Variants in MACROD2 observed in about 807,000 individuals in gnomAD.
The protein encoded by MACROD2 is mono-ADP ribosylhydrolase 2.
In MACROD2, 36 loss-of-function variants were observed where a neutral mutation model predicts 70.4. That is an observed-to-expected ratio of 0.51 (90% CI 0.39 to 0.68). MACROD2 has a LOEUF of 0.68. MACROD2 is among the 30% of genes least tolerant of loss of function. The probability of loss-of-function intolerance (pLI) is 0.00; values close to 1 mark genes in which losing one functional copy is unlikely to be tolerated. For synonymous variants in MACROD2, 172 were observed against 178.8 expected, an observed-to-expected ratio of 0.96 and a Z score of 0.30; for missense variants, 496 against 538.4, an observed-to-expected ratio of 0.92 and a Z score of 0.78.
chr20:14,042,091 T>C (rs1443739716), intron 2 of MACROD2, among the ~76,000 whole-genome samples: 3 of 151,916 alleles, frequency 2.0e-5, no homozygotes, highest in African/African-American at 7.3e-5. Context: ...ATATAGAAAA[T>C]AAGAAACTGA....
At chr20:15,337,147 A>G (rs2078057536) in intron 6 of MACROD2, among the ~76,000 whole-genome samples, 1 of 151,818 alleles carries the variant, frequency 6.6e-6, no homozygotes, top group Admixed American at 6.6e-5. Context: ...AAGATTCATC[A>G]ATGGCTTTGA....
At chr20:15,641,611 C>CG (rs572239533) in intron 8 of MACROD2, among the ~76,000 whole-genome samples, 173 of 152,212 alleles carry the variant, frequency 1.1e-3, no homozygotes, top group African/African-American at 4.1e-3. Context: ...ACAGGGGCAG[C>CG]GTGCATTTTG....
intron 3 of MACROD2, among the ~76,000 whole-genome samples, chr20:14,106,444 A>G (rs1470724512): frequency 6.6e-6 from 1 of 152,146 alleles, no homozygotes; most frequent in African/African-American, 2.4e-5. Flanking sequence ...AAGGTTTTTG[A>G]CTACAGTCCT....
At chr20:14,720,623 G>A (rs1013414016) in intron 5 of MACROD2, among the ~76,000 whole-genome samples, 2 of 130,362 alleles carry the variant, frequency 1.5e-5, no homozygotes, top group Non-Finnish European at 3.1e-5. Context: ...GCGCCATCTC[G>A]GCTCACTGCA....
intron 10 of MACROD2, among the ~76,000 whole-genome samples, chr20:15,926,507 T>C (rs1385172938): frequency 6.6e-6 from 1 of 152,008 alleles, no homozygotes; most frequent in Non-Finnish European, 1.5e-5. Flanking sequence ...TTAGAGGATA[T>C]GATATATTAG....
At chr20:14,632,817 A>C (rs1984586135) in intron 4 of MACROD2, among the ~76,000 whole-genome samples, 1 of 152,258 alleles carries the variant, frequency 6.6e-6, no homozygotes, top group Non-Finnish European at 1.5e-5. Flanking sequence ...AAAATACAAG[A>C]AATTCTTTGA....
At chr20:14,091,550 C>A (rs1342429399) in intron 3 of MACROD2, among the ~76,000 whole-genome samples, 1 of 151,764 alleles carries the variant, frequency 6.6e-6, no homozygotes, top group African/African-American at 2.4e-5. Context: ...TTGGTTTAAT[C>A]ATCCACACTG....
At chr20:15,896,196 C>T (rs544042685) in intron 10 of MACROD2, among the ~76,000 whole-genome samples, 127 of 152,220 alleles carry the variant, frequency 8.3e-4, no homozygotes, top group African/African-American at 3.0e-3. Flanking sequence ...AAGAGAAGCT[C>T]CTGGTATTTT....
intron 6 of MACROD2, among the ~76,000 whole-genome samples, chr20:15,254,929 CT>C (rs762538763): frequency 0.19 from 15,550 of 80,428 alleles, 595 homozygotes; most frequent in Middle Eastern, 0.32. Context: ...CAAAGCACAC[CT>C]TTTTTTTTTT....
At chr20:15,282,377 T>C (rs1410898513) in intron 6 of MACROD2, among the ~76,000 whole-genome samples, 1 of 152,234 alleles carries the variant, frequency 6.6e-6, no homozygotes, top group Non-Finnish European at 1.5e-5. Context: ...ACTTTTATGC[T>C]CTGCTTCCCT....
intron 8 of MACROD2, among the ~76,000 whole-genome samples, chr20:15,758,483 G>A (rs969789799): frequency 2.0e-5 from 3 of 150,626 alleles, no homozygotes; most frequent in Non-Finnish European, 3.0e-5. Flanking sequence ...CAAGTGATCC[G>A]ACTGCCTCAG....
intron 3 of MACROD2, among the ~76,000 whole-genome samples, chr20:14,464,794 C>T (rs1349101301): frequency 6.6e-6 from 1 of 151,908 alleles, no homozygotes; most frequent in Non-Finnish European, 1.5e-5. Flanking sequence ...CGTTATGTAC[C>T]CAGTAGTCAT....
intron 6 of MACROD2, among the ~76,000 whole-genome samples, chr20:15,377,090 C>T (rs1020425836): frequency 6.6e-6 from 1 of 152,094 alleles, no homozygotes; most frequent in African/African-American, 2.4e-5. Flanking sequence ...TGGGGTTTCA[C>T]CGTGTTAGCC....
At chr20:14,933,930 C>G (rs1600845109) in intron 5 of MACROD2, 1 of 152,288 alleles carries the variant, frequency 6.6e-6, no homozygotes, top group Non-Finnish European at 1.5e-5. Flanking sequence ...ATAACTCATT[C>G]AATCATCATT....
intron 5 of MACROD2, among the ~76,000 whole-genome samples, chr20:14,953,376 G>A (rs936861574): frequency 6.6e-6 from 1 of 151,566 alleles, no homozygotes; most frequent in African/African-American, 2.4e-5. Context: ...GTGTGATCTC[G>A]GCTCACTGCA....
At chr20:15,057,865 A>G (rs765445544) in intron 5 of MACROD2, among the ~76,000 whole-genome samples, 1 of 152,090 alleles carries the variant, frequency 6.6e-6, no homozygotes, top group Non-Finnish European at 1.5e-5. Flanking sequence ...TTGATCTCTC[A>G]CTGCCCCTTA....
At chr20:14,362,855 G>A (rs1463236585) in intron 3 of MACROD2, among the ~76,000 whole-genome samples, 1 of 152,120 alleles carries the variant, frequency 6.6e-6, no homozygotes, top group Non-Finnish European at 1.5e-5. Context: ...GTAAAATGTA[G>A]TAAGATAGGA....
chr20:15,917,302 G>T (rs181171193), intron 10 of MACROD2, among the ~76,000 whole-genome samples: 3 of 152,146 alleles, frequency 2.0e-5, no homozygotes, highest in Non-Finnish European at 4.4e-5. Context: ...ACAGAAACAG[G>T]TTCAAAAATT....
At chr20:15,766,310 T>C (rs16996501) in intron 8 of MACROD2, among the ~76,000 whole-genome samples, 3,190 of 152,318 alleles carry the variant, frequency 0.021, 111 homozygotes, top group African/African-American at 0.074. Context: ...TGAACTGATA[T>C]TCTAGCTAGA....
Sources: gnomAD v4.1 joint callset for allele counts (sites outside exome capture counted in the v4.1 genomes callset) on GRCh38, gnomAD v4.1.1 for gene constraint, MANE v1.5 for transcripts, NCBI Gene and HGNC (gene_info 2026-07-23, HGNC 2026-07-21) for gene names.